Variants in TBXAS1 observed in about 807,000 individuals in gnomAD.
TBXAS1 encodes the protein thromboxane A synthase 1.
TBXAS1 carries 48 observed loss-of-function variants against 60.7 expected under a neutral mutation model. The ratio of observed to expected loss-of-function variants is 0.79; its 90% CI spans 0.63 to 1.01. The LOEUF (loss-of-function observed/expected upper bound fraction) is 1.01. Among genes scored for constraint, TBXAS1 ranks in the 50% least tolerant of loss-of-function variants. TBXAS1 has a pLI of 0.00. For synonymous variants in TBXAS1, 287 were observed against 269.7 expected (o/e 1.06, Z -0.63); for missense variants, 685 against 686.3 (o/e 1.00, Z 0.02).
intron 9 of TBXAS1, among the ~76,000 whole-genome samples, chr7:139,967,706 C>T (rs184382207): frequency 6.6e-6 from 1 of 152,274 alleles, no homozygotes; most frequent in Admixed American, 6.5e-5. Flanking sequence ...CCACTGAGCT[C>T]TCGAGCGGAG....
chr7:139,811,527 C>T (rs1444799949), intron 4 of TBXAS1, among the ~76,000 whole-genome samples: 3 of 152,176 alleles, frequency 2.0e-5, no homozygotes, highest in Non-Finnish European at 2.9e-5. Context: ...GGTTCCCTGG[C>T]ATGACTGGGT....
chr7:139,795,112 C>A (rs1797522441), intron 4 of TBXAS1, among the ~76,000 whole-genome samples: 1 of 26,268 alleles, frequency 3.8e-5, no homozygotes, highest in Non-Finnish European at 6.1e-5. Context: ...AATGGTTGAA[C>A]TAGTTTACAG....
chr7:139,783,375 C>T (rs1339606483), intron 3 of TBXAS1, among the ~76,000 whole-genome samples: 2 of 149,894 alleles, frequency 1.3e-5, no homozygotes, highest in Non-Finnish European at 3.0e-5. Flanking sequence ...ATGCAATCAG[C>T]CTATGAATGA....
intron 4 of TBXAS1, among the ~76,000 whole-genome samples, chr7:139,820,030 T>C (rs1569494286): frequency 1.3e-5 from 2 of 152,014 alleles, no homozygotes; most frequent in Non-Finnish European, 2.9e-5. Context: ...GATCTTGCTG[T>C]CAAACTCTGG....
At chr7:139,791,575 G>A (rs984070770) in intron 4 of TBXAS1, among the ~76,000 whole-genome samples, 7 of 152,152 alleles carry the variant, frequency 4.6e-5, no homozygotes, top group Admixed American at 1.3e-4. Context: ...GGAAGTGTCC[G>A]TGATATATTC....
chr7:139,805,954 A>G (rs1446201981), intron 4 of TBXAS1, among the ~76,000 whole-genome samples: 70 of 67,714 alleles, frequency 1.0e-3, no homozygotes, highest in African/African-American at 4.5e-3. Flanking sequence ...TTTTTTTTTG[A>G]GATGGAGTCT....
intron 9 of TBXAS1, among the ~76,000 whole-genome samples, chr7:139,985,357 T>C (rs1812369571): frequency 6.6e-6 from 1 of 152,202 alleles, no homozygotes; most frequent in Non-Finnish European, 1.5e-5. Flanking sequence ...TGACATGCCT[T>C]GAATGGCAGC....
At chr7:139,801,743 T>A (rs1797729907) in intron 4 of TBXAS1, among the ~76,000 whole-genome samples, 1 of 152,158 alleles carries the variant, frequency 6.6e-6, no homozygotes, top group African/African-American at 2.4e-5. Flanking sequence ...GGTTGCTAAG[T>A]TTATTTACAA....
intron 4 of TBXAS1, among the ~76,000 whole-genome samples, chr7:139,802,941 A>T (rs1385418941): frequency 1.3e-5 from 2 of 152,228 alleles, no homozygotes; most frequent in African/African-American, 2.4e-5. Context: ...GCCATGTGGA[A>T]CTGTGAGTCC....
At chr7:139,963,210 A>C (rs1032220040) in intron 9 of TBXAS1, among the ~76,000 whole-genome samples, 4 of 152,242 alleles carry the variant, frequency 2.6e-5, no homozygotes, top group African/African-American at 9.6e-5. Context: ...GGTCAACTTC[A>C]AGTTCTAAGT....
rs8192841 is a variant in TBXAS1 at position 139,969,794 on chromosome 7, C to CA, written c.1134+7562dup. 6.5e-3 allele frequency among the ~76,000 whole-genome samples: 993 copies of CA among 152,294 alleles called. 21 individuals carry two copies. The East Asian group carries it at 0.077, about 12-fold the overall frequency. ...CCATCAATTCAGTCCCCCAGCCACA[C>CA]AGGGGTCAGAGGTGCTGCTGAGTCT... On this transcript the variant is annotated intron_variant, in intron 9 of 12. Transcript: ENST00000448866.
intron 4 of TBXAS1, among the ~76,000 whole-genome samples, chr7:139,801,506 T>C (rs1035761849): frequency 5.3e-5 from 8 of 152,034 alleles, no homozygotes; most frequent in African/African-American, 1.9e-4. Context: ...GTTCTTGCTC[T>C]GTCACCCAGG....
chr7:139,980,334 C>T (rs941122011), intron 9 of TBXAS1, among the ~76,000 whole-genome samples: 1 of 152,150 alleles, frequency 6.6e-6, no homozygotes, highest in Non-Finnish European at 1.5e-5. Flanking sequence ...AGATGCAAGG[C>T]GGGTTTCCCT....
intron 4 of TBXAS1, among the ~76,000 whole-genome samples, chr7:139,791,529 TA>T (rs1018451447): frequency 4.6e-5 from 7 of 152,190 alleles, no homozygotes; most frequent in African/African-American, 1.7e-4. Context: ...ATGCAGCTAC[TA>T]AAAATAATGT....
chr7:139,794,011 A>G (rs1569490791), intron 4 of TBXAS1, among the ~76,000 whole-genome samples: 2 of 152,158 alleles, frequency 1.3e-5, no homozygotes, highest in Non-Finnish European at 2.9e-5. Flanking sequence ...TCTTAAAGAA[A>G]ATGCATCTTA....
At chr7:139,967,934 T>TG (rs1461944469) in intron 9 of TBXAS1, among the ~76,000 whole-genome samples, 1 of 152,220 alleles carries the variant, frequency 6.6e-6, no homozygotes, top group African/African-American at 2.4e-5. Flanking sequence ...CGGCAGTGCC[T>TG]GGAACAGCCT....
chr7:139,844,182 G>A (rs1289469895), intron 1 of TBXAS1, among the ~76,000 whole-genome samples: 3 of 152,176 alleles, frequency 2.0e-5, no homozygotes, highest in Non-Finnish European at 2.9e-5. Flanking sequence ...AGCACTCAAA[G>A]TCTGAGTGGG....
At chr7:139,874,384 C>T (rs1334597238) in intron 2 of TBXAS1, among the ~76,000 whole-genome samples, 3 of 152,198 alleles carry the variant, frequency 2.0e-5, no homozygotes, top group Admixed American at 1.3e-4. Flanking sequence ...ATGAGGAGAA[C>T]GCTGTGCTCC....
intron 9 of TBXAS1, among the ~76,000 whole-genome samples, chr7:139,974,601 G>A (rs1173328839): frequency 6.6e-6 from 1 of 152,188 alleles, no homozygotes; most frequent in Admixed American, 6.6e-5. Context: ...TCTGTAAAAT[G>A]GGGATAGTAA....
Sources: allele counts gnomAD v4.1 joint callset (sites outside exome capture counted in the v4.1 genomes callset), GRCh38; gene constraint gnomAD v4.1.1; transcripts MANE v1.5; gene names NCBI Gene and HGNC (gene_info 2026-07-23, HGNC 2026-07-21).